Variants in COL2A1 observed in about 807,000 individuals in gnomAD.
COL2A1 encodes the protein collagen alpha-1(II) chain.
In COL2A1, 28 loss-of-function variants were observed where a neutral mutation model predicts 204.5. That is an observed-to-expected ratio of 0.14 (90% CI 0.10 to 0.19). COL2A1 has a LOEUF of 0.19. Ranked by LOEUF, COL2A1 falls within the 10% of genes least tolerant of loss-of-function variation. The pLI is 1.00. For synonymous variants in COL2A1, 708 were observed against 718.7 expected (o/e 0.99, Z 0.24); for missense variants, 1,388 against 2,027.5 (o/e 0.68, Z 6.06).
intron 7 of COL2A1, among the ~76,000 whole-genome samples, 200 bp from the exon 8 acceptor site, chr12:47,996,825 C>A (rs1186637754): frequency 1.3e-5 from 2 of 152,234 alleles, no homozygotes; most frequent in African/African-American, 4.8e-5. Flanking sequence ...GTGGCAAAAT[C>A]ATTTCACTGG....
rs1939244261 is a variant in COL2A1, at chr12:47,984,030, C to T, written c.1941+57G>A. ...CATTAATGGATGGGCTCTCCCACCCCCACCCCTCCCAGCCCCTGCCCCCAG... is the reference window on the plus strand; with the variant it reads ...CATTAATGGATGGGCTCTCCCACCCTCACCCCTCCCAGCCCCTGCCCCCAG... On this transcript the variant is annotated intron_variant, in intron 29 of 53. Transcript: ENST00000380518. The T allele has an allele frequency of 4.0e-6, 6 of 1,484,940 alleles. No homozygotes were observed. In the South Asian group the frequency reaches 7.1e-5, roughly 18 times the overall value. The allele number at this position is 1,484,940 out of a possible 1,614,324, so 92.0% of individuals were successfully genotyped here. A position where few individuals can be genotyped will look rare whatever the true frequency, so the allele number is the denominator to read the frequency against.
chr12:47,986,982 G>A (rs180944081), intron 21 of COL2A1, 94 bp from the exon 22 acceptor site: 92 of 1,579,676 alleles, frequency 5.8e-5, no homozygotes, highest in African/African-American at 3.0e-4. Flanking sequence ...GATGGAGGCC[G>A]CTGTGAGGCC....
At chr12:48,004,107 C>T (rs1025443767) in intron 1 of COL2A1, 130 bp downstream of exon 1, 5 of 710,530 alleles carry the variant, frequency 7.0e-6, no homozygotes, top group African/African-American at 1.8e-5. Context: ...GTGCCTAAGT[C>T]GGCGCGCTAC....
chr12:47,991,219 A>AGTGAAAGG (rs1939687354), intron 16 of COL2A1, among the ~76,000 whole-genome samples: 1 of 152,170 alleles, frequency 6.6e-6, no homozygotes, highest in South Asian at 2.1e-4. Flanking sequence ...AGGAGGGCCC[A>AGTGAAAGG]GCCTGGGCCT....
At position 47,995,758 on chromosome 12, in the gene COL2A1, A is replaced by G; in HGVS notation, c.660T>C (p.Pro220=). Residue 220 remains proline (P), a synonymous_variant, in exon 10 of 54, where the codon CCT becomes CCC. Coordinates refer to ENST00000380518, the MANE Select transcript of COL2A1 (RefSeq NM_001844.5). ...GPPGPAGAPG[P]QGFQGNPGEP... The stretch of plus-strand genomic sequence containing the variant: ...CACCAGGATTGCCTTGAAATCCTTG[A>G]GGCCCCTAAAAAGTAAAATGAGGAT... 6.2e-7 allele frequency: 1 copy of G among 1,614,032 alleles called. No individual in the cohort carries two copies. Among genetic ancestry groups the G allele is most frequent in the Non-Finnish European group, 8.5e-7 (1 of 1,179,936 alleles).
intron 36 of COL2A1, 116 bp downstream of exon 36, chr12:47,981,660 C>T: frequency 2.4e-6 from 3 of 1,259,960 alleles, no homozygotes; most frequent in Non-Finnish European, 3.4e-6. Context: ...ACTCCTACGG[C>T]CTTGGCCGAG....
Position 47,982,875 on chromosome 12 carries a change from G to A in COL2A1, c.2166C>T (p.Pro722=), listed in dbSNP as rs753427426. Residue 722 remains proline, a synonymous_variant, in exon 33 of 54, where the codon CCC becomes CCT. Coordinates refer to ENST00000380518, the MANE Select transcript of COL2A1 (RefSeq NM_001844.5). Reference sequence around the variant, plus strand: ...TGGGACCATCAGTGCCAGGAGTGCCGGGGAGGCCACGGGGACCCTGGAGGC... The same window carrying A: ...TGGGACCATCAGTGCCAGGAGTGCCAGGGAGGCCACGGGGACCCTGGAGGC... ...AQGLQGPRGL[P]GTPGTDGPKG... 73 of 1,612,268 alleles carry A rather than the reference G, an allele frequency of 4.5e-5. No homozygotes were observed. The highest frequency in any genetic ancestry group is 5.7e-5 in the Non-Finnish European group (67 of 1,179,842).
In COL2A1 at chr12:47,977,663, G is replaced by A. The variant is rs1938800079; in HGVS notation, c.3112-10C>T. 2 of 1,613,984 alleles carry A rather than the reference G, an allele frequency of 1.2e-6. No homozygotes were observed. Among genetic ancestry groups the A allele is most frequent in the African/African-American group, 1.3e-5 (1 of 75,008 alleles). Reference sequence around the variant, plus strand: ...CAGCACCGGGGCTTCCCTGGACAAAGTGAAACAAGAATGCACTTAGAGCTG... The same window carrying A: ...CAGCACCGGGGCTTCCCTGGACAAAATGAAACAAGAATGCACTTAGAGCTG... On this transcript the variant is annotated splice_polypyrimidine_tract_variant and intron_variant, in intron 44 of 53. Transcript: ENST00000380518.
intron 16 of COL2A1, among the ~76,000 whole-genome samples, chr12:47,992,573 G>A (rs1254097358): frequency 2.0e-5 from 3 of 152,132 alleles, no homozygotes; most frequent in South Asian, 2.1e-4. Context: ...AGCCAGCTAA[G>A]TCTGTCTGTA....
intron 16 of COL2A1, among the ~76,000 whole-genome samples, chr12:47,990,851 G>T (rs1390683024): frequency 3.3e-5 from 5 of 152,168 alleles, no homozygotes. Flanking sequence ...AAACTCTGGG[G>T]GCCACAGGCT....
At chr12:47,974,562 A>T (rs1938599042) in intron 52 of COL2A1, 113 bp downstream of exon 52, 2 of 1,363,636 alleles carry the variant, frequency 1.5e-6, no homozygotes, top group Non-Finnish European at 2.1e-6. Context: ...TCTCAAGCCC[A>T]ACAGAAAACT....
intron 13 of COL2A1, 41 bp downstream of exon 13, chr12:47,993,953 A>T: frequency 6.2e-7 from 1 of 1,613,600 alleles, no homozygotes; most frequent in Non-Finnish European, 8.5e-7. Flanking sequence ...CTCTCCCACC[A>T]GGCATCTCTT....
intron 16 of COL2A1, among the ~76,000 whole-genome samples, chr12:47,991,700 G>A (rs556902437): frequency 6.6e-6 from 1 of 152,338 alleles, no homozygotes; most frequent in South Asian, 2.1e-4. Context: ...GCCCAGGAAG[G>A]AGGGAACAAG....
In COL2A1 at chr12:47,987,127, G is replaced by A. The variant is rs1275252428; in HGVS notation, c.1316C>T (p.Pro439Leu). The A allele has an allele frequency of 2.5e-6, 4 of 1,614,154 alleles. No individual in the cohort carries two copies. The highest frequency in any genetic ancestry group is 1.7e-5 in the Admixed American group (1 of 60,024). Residue 439 changes from proline (P) to leucine (L), a missense_variant, in exon 21 of 54, where the codon CCT becomes CTT. Around this residue, in one of 3 missense-constraint regions of COL2A1, gnomAD observed 884 missense variants for 1,415.8 expected, o/e 0.62. Transcript: ENST00000380518. This position sits in a 1 kb window ranked among gnomAD's most constrained non-coding sequence, Gnocchi z 4.1. ...GAPGFPGPRGPPGPQGATGPL... is the reference protein window; with the variant it reads ...GAPGFPGPRGLPGPQGATGPL... ...ACCAGTTGCACCTTGAGGGCCAGGA[G>A]GGCCCCGTGGCCCAGGGAAGCCAGG...
In COL2A1 at chr12:47,975,430, G is replaced by A; in HGVS notation, c.3773C>T (p.Thr1258Ile). The change falls in exon 51 of 54, where the codon ACA (threonine) becomes ATA (isoleucine). Residue 1258 changes from threonine to isoleucine, a missense_variant. Transcript: ENST00000380518. ...LRQHDAEVDA[T>I]LKSLNNQIES... ...AATCTGGTTGTTGAGGGACTTGAGT[G>A]TGGCATCCACCTCGGCGTCATGCTG... 6.2e-7 allele frequency: 1 copy of A among 1,614,190 alleles called. No individual in the cohort carries two copies.
intron 32 of COL2A1, 73 bp from the exon 33 acceptor site, chr12:47,983,019 G>C (rs1460987846): frequency 1.2e-6 from 2 of 1,605,682 alleles, no homozygotes; most frequent in Non-Finnish European, 8.5e-7. Flanking sequence ...GCAGGGAGGT[G>C]GGGAAAGGAG....
intron 29 of COL2A1, 147 bp from the exon 30 acceptor site, chr12:47,983,883 TC>T: frequency 1.0e-6 from 1 of 960,704 alleles, no homozygotes; most frequent in Non-Finnish European, 1.6e-6. Flanking sequence ...CTCCCTGCAC[TC>T]CCATCAGCCA....
chr12:48,005,495 T>G (rs901516481), upstream of COL2A1: 5 of 152,196 alleles, frequency 3.3e-5, no homozygotes, highest in African/African-American at 1.2e-4. Context: ...CCGATCCAGC[T>G]GGCGAGTTCT....
chr12:47,999,861 G>A, intron 2 of COL2A1, 58 bp downstream of exon 2: 1 of 1,462,188 alleles, frequency 6.8e-7, no homozygotes, highest in South Asian at 1.1e-5. Flanking sequence ...ATGGGAGCGT[G>A]TTTGCAGTGC....
Sources: gnomAD v4.1 joint callset for allele counts (sites outside exome capture counted in the v4.1 genomes callset) on GRCh38, gnomAD v4.1.1 for gene constraint, gnomAD v4.1.1 regional missense constraint, Gnocchi (gnomAD v3.1) non-coding constraint, MANE v1.5 for transcripts, NCBI Gene and HGNC (gene_info 2026-07-23, HGNC 2026-07-21) for gene names.